ZBTB8B: variants seen among roughly 807,000 people sequenced by gnomAD.
The protein encoded by ZBTB8B is zinc finger and BTB domain containing 8B.
A neutral mutation model predicts 30.3 loss-of-function variants in ZBTB8B; 17 were observed. The ratio of observed to expected loss-of-function variants is 0.56; its 90% CI spans 0.38 to 0.84. The LOEUF is 0.84. ZBTB8B is among the 40% of genes least tolerant of loss of function. ZBTB8B has a pLI of 0.00. For missense variants in ZBTB8B, 515 were observed against 644.9 expected (o/e 0.80, Z 2.18); for synonymous variants, 248 against 255.6 (o/e 0.97, Z 0.28).
chr1:32,475,675 A>G (rs1421190327), intron 2 of ZBTB8B, among the ~76,000 whole-genome samples: 2 of 152,186 alleles, frequency 1.3e-5, no homozygotes, highest in East Asian at 1.9e-4. Flanking sequence ...GTATGAGTTC[A>G]TGGTAGTCCA....
At chr1:32,475,816 G>GT (rs1331933358) in intron 2 of ZBTB8B, among the ~76,000 whole-genome samples, 2,918 of 125,838 alleles carry the variant, frequency 0.023, 38 homozygotes, top group African/African-American at 0.027. Context: ...AAGAGGGGAG[G>GT]TTTTTTTTTT....
chr1:32,470,777 C>T lies in ZBTB8B; in HGVS notation c.153C>T (p.Ala51=), dbSNP rs1643611243. ...TTGCTAACAGCGGCTACTTCCGAGC[C>T]CTGCTCATTCACTATATCCAGGACA... ...ILFANSGYFR[A]LLIHYIQDSG... Residue 51 remains alanine, a synonymous_variant, in exon 2 of 4, where the codon GCC becomes GCT. Coordinates refer to ENST00000609129, the MANE Select transcript of ZBTB8B (RefSeq NM_001145720.2). 6.4e-7 allele frequency: 1 copy of T among 1,551,662 alleles called. No individual in the cohort carries two copies. The highest frequency in any genetic ancestry group is 1.4e-5 in the African/African-American group (1 of 73,046).
rs933010395 is a variant in ZBTB8B, at chr1:32,479,629, C to A, written c.992-1262C>A. 2.0e-5 allele frequency among the ~76,000 whole-genome samples: 3 copies of A among 152,186 alleles called. No homozygotes were observed. In the East Asian group the frequency reaches 5.8e-4, roughly 29 times the overall value. On this transcript the variant is annotated intron_variant, in intron 2 of 3. Coordinates refer to ENST00000609129, the MANE Select transcript of ZBTB8B (RefSeq NM_001145720.2). ...CCGTGGTTCCGTGGATTCAACCAAC[C>A]ACATATGGAAAATACAGTATTCACA...
rs950135839 is a variant in ZBTB8B at position 32,465,818 on chromosome 1, T to C, written c.-42+713T>C. Among the ~76,000 whole-genome samples the C allele has an allele frequency of 6.6e-6, 1 of 152,188 alleles. No individual in the cohort carries two copies. Among genetic ancestry groups the C allele is most frequent in the Non-Finnish European group, 1.5e-5 (1 of 68,048 alleles). On this transcript the variant is annotated intron_variant, in intron 1 of 3. Transcript: ENST00000609129. This position sits in a 1 kb window ranked among gnomAD's most constrained non-coding sequence, Gnocchi z 4.1. ...TGTTATCTGCATCTTTGAATCTCAGTTCCTCCTCTGAAAAAGAGGATGTAG... is the reference window on the plus strand; with the variant it reads ...TGTTATCTGCATCTTTGAATCTCAGCTCCTCCTCTGAAAAAGAGGATGTAG...
chr1:32,488,746 A>T lies in ZBTB8B; in HGVS notation c.*3328A>T, dbSNP rs1643761658. On this transcript the variant is annotated 3_prime_UTR_variant, in exon 4 of 4. Transcript: ENST00000609129. ...GGACTTAATTTTGTGTTCTATTTTA[A>T]GCTACCTTTTACCTGCATAATATTT... The T allele has an allele frequency of 6.6e-6, 1 of 152,032 alleles. No homozygotes were observed. Among genetic ancestry groups the T allele is most frequent in the South Asian group, 2.1e-4 (1 of 4,808 alleles). The allele number at this position is 152,032 out of a possible 1,614,324, so 9.4% of individuals were successfully genotyped here.
At chr1:32,481,344 G>C (rs1351822560) in intron 3 of ZBTB8B, among the ~76,000 whole-genome samples, 1 of 152,170 alleles carries the variant, frequency 6.6e-6, no homozygotes, top group Non-Finnish European at 1.5e-5. Context: ...GGTGATTATT[G>C]TAATGTAGAG....
At chr1:32,470,518 A>G (rs1158550023) in intron 1 of ZBTB8B, 66 bp from the exon 2 acceptor site, 27 of 1,131,502 alleles carry the variant, frequency 2.4e-5, no homozygotes, top group East Asian at 6.8e-5. Context: ...AAAAAAAAAA[A>G]AAAAAAAAGA....
rs1197687046 is a variant in ZBTB8B at position 32,493,460 on chromosome 1, A to G, written c.*8042A>G. 1 of 151,748 alleles carries G rather than the reference A, an allele frequency of 6.6e-6. No individual in the cohort carries two copies. The highest frequency in any genetic ancestry group is 1.5e-5 in the Non-Finnish European group (1 of 67,962). 9.4% of individuals were successfully genotyped at this position (151,748 alleles called of 1,614,324 possible). On this transcript the variant is annotated 3_prime_UTR_variant, in exon 4 of 4. Coordinates refer to ENST00000609129, the MANE Select transcript of ZBTB8B (RefSeq NM_001145720.2). ...CTGACTGGGTGGTTTTCTTTTTTAAAAAATAATATGGTTTTCTGGCCGGGA... is the reference window on the plus strand; with the variant it reads ...CTGACTGGGTGGTTTTCTTTTTTAAGAAATAATATGGTTTTCTGGCCGGGA...
chr1:32,479,573 A>C (rs1249172732), intron 2 of ZBTB8B, among the ~76,000 whole-genome samples: 2 of 152,198 alleles, frequency 1.3e-5, no homozygotes, highest in Non-Finnish European at 2.9e-5. Flanking sequence ...CTCGGAATAT[A>C]GTTGACCCTC....
chr1:32,472,323 G>A (rs1643630540), intron 2 of ZBTB8B, among the ~76,000 whole-genome samples: 3 of 152,178 alleles, frequency 2.0e-5, no homozygotes, highest in Admixed American at 2.0e-4. Context: ...ATCTCTTTGA[G>A]TCTGTTTTGT....
intron 2 of ZBTB8B, among the ~76,000 whole-genome samples, chr1:32,479,242 G>A (rs1276225728): frequency 6.6e-6 from 1 of 152,054 alleles, no homozygotes; most frequent in African/African-American, 2.4e-5. Flanking sequence ...AACAAATCTC[G>A]GGCCGGGCAT....
intron 1 of ZBTB8B, among the ~76,000 whole-genome samples, chr1:32,467,563 T>C (rs1187178009): frequency 1.3e-5 from 2 of 152,050 alleles, no homozygotes; most frequent in African/African-American, 4.8e-5. Context: ...CCCAAGTGGA[T>C]TTTAAACTTG....
chr1:32,476,942 A>G (rs1341027191), intron 2 of ZBTB8B, among the ~76,000 whole-genome samples: 1 of 152,210 alleles, frequency 6.6e-6, no homozygotes, highest in African/African-American at 2.4e-5. Context: ...AGTGCTCAGT[A>G]TAAATTTGCT....
At position 32,485,335 on chromosome 1, in the gene ZBTB8B, G is replaced by A. The variant is rs1385831780; in HGVS notation, c.1405G>A (p.Glu469Lys). 1.3e-6 allele frequency: 2 copies of A among 1,552,276 alleles called. No individual in the cohort carries two copies. Among genetic ancestry groups the A allele is most frequent in the East Asian group, 2.4e-5 (1 of 40,932 alleles). The change falls in exon 4 of 4, where the codon GAG (glutamate) becomes AAG (lysine). Residue 469 changes from glutamate (E) to lysine (K), a missense_variant. Coordinates refer to ENST00000609129, the MANE Select transcript of ZBTB8B (RefSeq NM_001145720.2). The stretch of plus-strand genomic sequence containing the variant: ...CTGGCCAATCTATGTGGAGTCGGGT[G>A]AGGAAAATGACCCTGCTGGAGATGA... ...NDWPIYVESGEENDPAGDDSD... is the reference protein window; with the variant it reads ...NDWPIYVESGKENDPAGDDSD...
intron 3 of ZBTB8B, among the ~76,000 whole-genome samples, chr1:32,482,669 C>CAA (rs1050028688): frequency 0.066 from 2,648 of 39,946 alleles, 102 homozygotes; most frequent in Middle Eastern, 0.094. Context: ...GACTCCGTGT[C>CAA]AAAAAAAAAA....
At chr1:32,472,605 T>TTTGATTGATTGA (rs140028395) in intron 2 of ZBTB8B, among the ~76,000 whole-genome samples, 1 of 151,742 alleles carries the variant, frequency 6.6e-6, no homozygotes, top group Non-Finnish European at 1.5e-5. Context: ...CTTGAGACTA[T>TTTGATTGATTGA]TTGATTGATT....
Position 32,489,391 on chromosome 1 carries a change from G to A in ZBTB8B, c.*3973G>A, listed in dbSNP as rs1303905212. ...AATATCTCAGATTGTTGCATTTCTG[G>A]TGGACTATTTGGAGTTTGTGTATAG... On this transcript the variant is annotated 3_prime_UTR_variant, in exon 4 of 4. Transcript: ENST00000609129. 1 of 152,134 alleles carries A rather than the reference G, an allele frequency of 6.6e-6. No individual in the cohort carries two copies. Among genetic ancestry groups the A allele is most frequent in the East Asian group, 1.9e-4 (1 of 5,200 alleles). 9.4% of individuals were successfully genotyped at this position (152,134 alleles called of 1,614,324 possible). A position where few individuals can be genotyped will look rare whatever the true frequency, so the allele number is the denominator to read the frequency against.
In ZBTB8B at chr1:32,491,274, G is replaced by A. The variant is rs1643778010; in HGVS notation, c.*5856G>A. On this transcript the variant is annotated 3_prime_UTR_variant, in exon 4 of 4. Transcript: ENST00000609129. Reference sequence around the variant, plus strand: ...GGGTATGGTCAGGATTTTTTTGGAAGTAGAAAAACATACCAAACAGTTTCA... The same window carrying A: ...GGGTATGGTCAGGATTTTTTTGGAAATAGAAAAACATACCAAACAGTTTCA... 6.6e-6 allele frequency: 1 copy of A among 152,142 alleles called. No individual in the cohort carries two copies. 9.4% of individuals were successfully genotyped at this position (152,142 alleles called of 1,614,324 possible).
intron 2 of ZBTB8B, 128 bp from the exon 3 acceptor site, chr1:32,480,763 C>A (rs1027626507): frequency 2.9e-5 from 23 of 787,322 alleles, no homozygotes; most frequent in Non-Finnish European, 4.1e-5. Context: ...TGGCTGGTGG[C>A]GGAGTTGGTG....
Sources: gnomAD v4.1 joint callset for allele counts (sites outside exome capture counted in the v4.1 genomes callset) on GRCh38, gnomAD v4.1.1 for gene constraint, Gnocchi (gnomAD v3.1) non-coding constraint, MANE v1.5 for transcripts, NCBI Gene and HGNC (gene_info 2026-07-23, HGNC 2026-07-21) for gene names.